The following CXCL13 variants were observed in gnomAD, a reference collection of about 807,000 sequenced individuals.
CXCL13 encodes C-X-C motif chemokine 13.
Under a neutral mutation model 12.2 loss-of-function variants are expected in CXCL13, and 7 were observed. The observed-to-expected ratio is 0.57, with a 90% CI of 0.33 to 1.07. CXCL13 has a LOEUF of 1.07. Ranked by LOEUF, CXCL13 falls within the 50% of genes least tolerant of loss-of-function variation. The pLI, the probability that CXCL13 is intolerant of heterozygous loss-of-function variation, is 0.04. For synonymous variants in CXCL13, 47 were observed against 42.4 expected, an observed-to-expected ratio of 1.11 and a Z score of -0.42; for missense variants, 113 against 127.4, an observed-to-expected ratio of 0.89 and a Z score of 0.55.
chr4:77,546,179 T>C (rs901399744), intron 1 of CXCL13, among the ~76,000 whole-genome samples: 8 of 152,228 alleles, frequency 5.3e-5, no homozygotes, highest in Admixed American at 2.0e-4. Flanking sequence ...TTTGCATCAA[T>C]GTTCATCACT....
chr4:77,572,979 C>T (rs1481579841), intron 1 of CXCL13, among the ~76,000 whole-genome samples: 1 of 151,436 alleles, frequency 6.6e-6, no homozygotes, highest in Non-Finnish European at 1.5e-5. Context: ...CAAACTAACA[C>T]AGGAAAAAAA....
chr4:77,573,362 TTGTG>T (rs3048191), intron 1 of CXCL13, among the ~76,000 whole-genome samples: 31,149 of 134,732 alleles, frequency 0.23, 3,531 homozygotes, highest in East Asian at 0.32. Context: ...ATTGGGTCTT[TTGTG>T]TGTGTGTGTG....
intron 2 of CXCL13, 119 bp from the exon 3 acceptor site, chr4:77,610,495 C>G (rs1727119703): frequency 1.3e-6 from 1 of 772,806 alleles, no homozygotes; most frequent in South Asian, 1.7e-5. Context: ...CCAAACTGCC[C>G]AGCTCCAATT....
chr4:77,522,288 A>G (rs1002018814), intron 1 of CXCL13, among the ~76,000 whole-genome samples: 17 of 151,912 alleles, frequency 1.1e-4, no homozygotes, highest in African/African-American at 3.6e-4. Context: ...GTGGGGTGTT[A>G]AAGTCTTCCA....
intron 1 of CXCL13, among the ~76,000 whole-genome samples, chr4:77,571,907 G>A (rs550043237): frequency 1.6e-4 from 24 of 151,688 alleles, no homozygotes; most frequent in Admixed American, 1.2e-3. Context: ...CCCACCAGGA[G>A]GAATGAACAA....
chr4:77,534,988 T>A (rs149564227), intron 1 of CXCL13, among the ~76,000 whole-genome samples: 23 of 152,338 alleles, frequency 1.5e-4, no homozygotes, highest in Non-Finnish European at 2.4e-4. Flanking sequence ...TCCTGAAAAC[T>A]GCTTTGCATG....
chr4:77,581,384 C>T lies in CXCL13; in HGVS notation c.-42-24440C>T, dbSNP rs1049902725. Reference sequence around the variant, plus strand: ...TTTGTTGGATTAACGTTGTTTAAAACAGTTGTCAAAGTTTAAAAATAAAGA... The same window carrying T: ...TTTGTTGGATTAACGTTGTTTAAAATAGTTGTCAAAGTTTAAAAATAAAGA... On this transcript the variant is annotated intron_variant, in intron 1 of 4. Coordinates refer to the CXCL13 transcript ENST00000286758. 2.6e-5 allele frequency among the ~76,000 whole-genome samples: 4 copies of T among 152,250 alleles called. No homozygotes were observed. The East Asian group carries it at 7.7e-4, about 29-fold the overall frequency.
intron 1 of CXCL13, among the ~76,000 whole-genome samples, chr4:77,572,670 G>A (rs551964180): frequency 6.6e-6 from 1 of 152,064 alleles, no homozygotes; most frequent in East Asian, 1.9e-4. Context: ...GTGGAAGACA[G>A]TGAAGTGATA....
chr4:77,528,223 G>GCAAA (rs1724815338), intron 1 of CXCL13, among the ~76,000 whole-genome samples: 2 of 152,142 alleles, frequency 1.3e-5, no homozygotes, highest in African/African-American at 4.8e-5. Context: ...ATTGTGAATA[G>GCAAA]TGCCGCAATA....
chr4:77,558,345 G>A (rs1725714123), intron 1 of CXCL13, among the ~76,000 whole-genome samples: 2 of 152,124 alleles, frequency 1.3e-5, no homozygotes, highest in Admixed American at 1.3e-4. Context: ...TTACTAGGGA[G>A]GAGTGAACTA....
rs114745094 is a variant in CXCL13 at position 77,543,207 on chromosome 4, G to A, written c.-43+31419G>A. On this transcript the variant is annotated intron_variant, in intron 1 of 4. Coordinates refer to the CXCL13 transcript ENST00000286758. ...TGTATTTCTGTGAGATTGGTTGTAAGGTCACTTTTGTCATTTCTGGTTGTG... is the reference window on the plus strand; with the variant it reads ...TGTATTTCTGTGAGATTGGTTGTAAAGTCACTTTTGTCATTTCTGGTTGTG... 2.1e-3 allele frequency among the ~76,000 whole-genome samples: 326 copies of A among 151,874 alleles called. 2 individuals carry two copies. The highest frequency in any genetic ancestry group is 7.5e-3 in the African/African-American group (313 of 41,462).
intron 1 of CXCL13, among the ~76,000 whole-genome samples, chr4:77,529,227 T>C (rs1724845490): frequency 2.0e-5 from 3 of 152,188 alleles, no homozygotes; most frequent in Non-Finnish European, 4.4e-5. Flanking sequence ...CCTCCAGCTT[T>C]GTTCTTTTGG....
intron 1 of CXCL13, among the ~76,000 whole-genome samples, chr4:77,530,035 A>G (rs909390291): frequency 1.3e-5 from 2 of 152,278 alleles, no homozygotes; most frequent in African/African-American, 4.8e-5. Flanking sequence ...TGAGATAATC[A>G]TATGGTTTTT....
Position 77,553,177 on chromosome 4 carries a change from G to T in CXCL13, c.-43+41389G>T, listed in dbSNP as rs191574660. On this transcript the variant is annotated intron_variant, in intron 1 of 4. Transcript: ENST00000286758. ...TAGCTGTAAGATTCGTTGTCTGAGA[G>T]AAACTATAGCTGTAGCAGCTCTCTT... Among the ~76,000 whole-genome samples, 4 of 152,310 alleles carry T rather than the reference G, an allele frequency of 2.6e-5. No individual in the cohort carries two copies. The South Asian group carries it at 6.2e-4, about 24-fold the overall frequency.
upstream of CXCL13, among the ~76,000 whole-genome samples, chr4:77,604,690 T>C (rs556051442): frequency 5.9e-5 from 9 of 152,296 alleles, no homozygotes; most frequent in South Asian, 8.3e-4. Context: ...ACTGGAGAAC[T>C]GCTTTTGTGT....
chr4:77,521,482 A>T (rs917857409), intron 1 of CXCL13, among the ~76,000 whole-genome samples: 1 of 152,098 alleles, frequency 6.6e-6, no homozygotes, highest in Non-Finnish European at 1.5e-5. Flanking sequence ...CATTTCTTCT[A>T]AGTTTTCTGG....
chr4:77,600,202 G>A (rs1165633780), intron 1 of CXCL13, among the ~76,000 whole-genome samples: 1 of 151,682 alleles, frequency 6.6e-6, no homozygotes, highest in Non-Finnish European at 1.5e-5. Context: ...CAATGTGAGA[G>A]GACTTACATG....
chr4:77,605,328 G>A (rs987946104), upstream of CXCL13, among the ~76,000 whole-genome samples: 3 of 152,274 alleles, frequency 2.0e-5, no homozygotes, highest in South Asian at 4.2e-4. Flanking sequence ...CATAATCAGC[G>A]TTAGGATCTG....
upstream of CXCL13, among the ~76,000 whole-genome samples, chr4:77,604,085 C>T (rs192029789): frequency 6.6e-6 from 1 of 152,298 alleles, no homozygotes; most frequent in Non-Finnish European, 1.5e-5. Flanking sequence ...TGGCCAGCGG[C>T]AAGGAGTGCA....
Sources: allele counts gnomAD v4.1 joint callset (sites outside exome capture counted in the v4.1 genomes callset), GRCh38; gene constraint gnomAD v4.1.1; transcripts MANE v1.5; gene names NCBI Gene and HGNC (gene_info 2026-07-23, HGNC 2026-07-21).